Variants in CENPP observed in about 807,000 individuals in gnomAD.
CENPP encodes centromere protein P.
In CENPP, 24 loss-of-function variants were observed where a neutral mutation model predicts 35.6. That is an observed-to-expected ratio of 0.67 (90% CI 0.49 to 0.95). CENPP has a LOEUF of 0.95. Ranked by LOEUF, CENPP falls within the 40% of genes least tolerant of loss-of-function variation. CENPP has a pLI of 0.00. For missense variants in CENPP, 332 were observed against 345.3 expected, an observed-to-expected ratio of 0.96 and a Z score of 0.31; for synonymous variants, 120 against 125.5, an observed-to-expected ratio of 0.96 and a Z score of 0.29.
At chr9:92,394,163 C>T (rs1842796968) in intron 5 of CENPP, among the ~76,000 whole-genome samples, 1 of 152,086 alleles carries the variant, frequency 6.6e-6, no homozygotes, top group African/African-American at 2.4e-5. Flanking sequence ...ATTCCTTCTA[C>T]ATTTGTTAGT....
intron 5 of CENPP, among the ~76,000 whole-genome samples, chr9:92,590,909 A>G (rs1431933572): frequency 6.6e-6 from 1 of 152,250 alleles, no homozygotes; most frequent in Non-Finnish European, 1.5e-5. Context: ...AGCTAATTCT[A>G]GTGGAACAAA....
chr9:92,504,336 T>A (rs1484256049), intron 5 of CENPP, among the ~76,000 whole-genome samples: 1 of 152,210 alleles, frequency 6.6e-6, no homozygotes, highest in Non-Finnish European at 1.5e-5. Flanking sequence ...GTGGTAGCCA[T>A]GACAGCCACA....
intron 5 of CENPP, among the ~76,000 whole-genome samples, chr9:92,513,466 A>T (rs1847486359): frequency 6.6e-6 from 1 of 152,166 alleles, no homozygotes; most frequent in Admixed American, 6.5e-5. Context: ...AGAGAAATGA[A>T]CACTTAGGTC....
chr9:92,533,313 AAAAAAAAAAAAAAAAATATATATAT>A (rs904309394), intron 5 of CENPP, among the ~76,000 whole-genome samples: 7 of 94,230 alleles, frequency 7.4e-5, no homozygotes, highest in African/African-American at 3.0e-4. Flanking sequence ...CAAAAAAAAA[AAAAAAAAAAAAAAAAATATATATAT>A]ATATATATAT....
chr9:92,498,465 T>C (rs913677367), intron 5 of CENPP, among the ~76,000 whole-genome samples: 1 of 151,806 alleles, frequency 6.6e-6, no homozygotes, highest in Admixed American at 6.6e-5. Flanking sequence ...ATATATATAT[T>C]AAAAAAAGAC....
intron 5 of CENPP, among the ~76,000 whole-genome samples, chr9:92,499,206 G>A (rs1276430557): frequency 6.6e-6 from 1 of 152,162 alleles, no homozygotes; most frequent in Non-Finnish European, 1.5e-5. Context: ...GAAAGCCTAA[G>A]TATATATTGA....
chr9:92,466,582 C>T (rs1845323459), intron 5 of CENPP: 1 of 1,605,798 alleles, frequency 6.2e-7, no homozygotes, highest in Non-Finnish European at 8.5e-7. Context: ...CTTGATCAAG[C>T]ATAGAAAGTT....
intron 5 of CENPP, among the ~76,000 whole-genome samples, chr9:92,468,383 A>AAT (rs1564337948): frequency 6.6e-6 from 1 of 152,158 alleles, no homozygotes; most frequent in African/African-American, 2.4e-5. Flanking sequence ...CTTCCAATTC[A>AAT]TCATTAACAA....
At chr9:92,518,023 T>C (rs1847831972) in intron 5 of CENPP, 1 of 959,580 alleles carries the variant, frequency 1.0e-6, no homozygotes. Flanking sequence ...AGATGTCGTA[T>C]AGACATAAGA....
chr9:92,430,708 TC>T (rs1331433917), intron 5 of CENPP, among the ~76,000 whole-genome samples: 3 of 152,142 alleles, frequency 2.0e-5, no homozygotes. Flanking sequence ...TATAGTTACT[TC>T]TGCATTTGCT....
intron 4 of CENPP, among the ~76,000 whole-genome samples, chr9:92,352,478 T>C (rs1489536152): frequency 9.9e-6 from 1 of 101,118 alleles, no homozygotes; most frequent in Non-Finnish European, 1.8e-5. Context: ...TGTGTGTGTG[T>C]GTGTGTGTGT....
chr9:92,527,131 C>G (rs963362764), intron 5 of CENPP, among the ~76,000 whole-genome samples: 5 of 152,170 alleles, frequency 3.3e-5, no homozygotes, highest in Admixed American at 1.3e-4. Flanking sequence ...ACCTCAGCCT[C>G]CCGAGTAGCT....
chr9:92,502,577 T>G lies in CENPP; in HGVS notation c.565-108737T>G, dbSNP rs748143957. On this transcript the variant is annotated intron_variant, in intron 5 of 7. Transcript: ENST00000375587. The stretch of plus-strand genomic sequence containing the variant: ...TCAATTTTGTTATAACGTAGTACAA[T>G]GACATTGATCTTTCTGGTATGATTG... The G allele has an allele frequency of 2.5e-6, 4 of 1,612,236 alleles. No homozygotes were observed. The South Asian group carries it at 3.3e-5, about 13-fold the overall frequency.
intron 5 of CENPP, among the ~76,000 whole-genome samples, chr9:92,449,425 A>T: frequency 8.6e-6 from 1 of 116,360 alleles, no homozygotes; most frequent in Non-Finnish European, 1.7e-5. Context: ...GTGATGAGCG[A>T]GACTCTATCT....
At chr9:92,566,057 C>G (rs1327920811) in intron 5 of CENPP, among the ~76,000 whole-genome samples, 2 of 151,990 alleles carry the variant, frequency 1.3e-5, no homozygotes, top group Non-Finnish European at 2.9e-5. Flanking sequence ...AATCCCAGCA[C>G]TTTGGGAGGA....
At chr9:92,330,593 A>C (rs1186869809) in intron 1 of CENPP, among the ~76,000 whole-genome samples, 1 of 152,002 alleles carries the variant, frequency 6.6e-6, no homozygotes, top group African/African-American at 2.4e-5. Flanking sequence ...TGTTTAAAGG[A>C]AATAATGGAT....
intron 5 of CENPP, among the ~76,000 whole-genome samples, chr9:92,444,916 T>C (rs1222396576): frequency 1.3e-5 from 2 of 152,130 alleles, no homozygotes; most frequent in African/African-American, 4.8e-5. Context: ...GTGGCCAGGC[T>C]GGGGACCCTG....
chr9:92,593,155 CG>C lies in CENPP; in HGVS notation c.565-18155del, dbSNP rs1353892380. Among the ~76,000 whole-genome samples the C allele has an allele frequency of 1.3e-5, 2 of 152,162 alleles. No individual in the cohort carries two copies. Among genetic ancestry groups the C allele is most frequent in the Non-Finnish European group, 2.9e-5 (2 of 68,028 alleles). On this transcript the variant is annotated intron_variant, in intron 5 of 7. Transcript: ENST00000375587. This position sits in a 1 kb window ranked among gnomAD's most constrained non-coding sequence, Gnocchi z 4.1. ...TCCCAGGTGGCAGGAGAGCTGCCCC[CG>C]GGGAGCCACACTGTGTGTAAGATGC...
chr9:92,454,968 T>C (rs17591643), intron 5 of CENPP, among the ~76,000 whole-genome samples: 5,862 of 152,330 alleles, frequency 0.038, 145 homozygotes, highest in Middle Eastern at 0.075. Context: ...TTTCCAGATA[T>C]GTCATTTTAG....
Sources: allele counts gnomAD v4.1 joint callset (sites outside exome capture counted in the v4.1 genomes callset), GRCh38; gene constraint gnomAD v4.1.1; non-coding constraint Gnocchi (gnomAD v3.1); transcripts MANE v1.5; gene names NCBI Gene and HGNC (gene_info 2026-07-23, HGNC 2026-07-21).